The following MYO1D variants were observed in gnomAD, a reference collection of about 807,000 sequenced individuals.
The protein encoded by MYO1D is unconventional myosin-Id.
In MYO1D, 83 loss-of-function variants were observed where a neutral mutation model predicts 122.0. The observed-to-expected ratio is 0.68, with a 90% CI of 0.57 to 0.82. The LOEUF (loss-of-function observed/expected upper bound fraction) is 0.82. Among genes scored for constraint, MYO1D ranks in the 40% least tolerant of loss-of-function variants. The pLI is 0.00. For synonymous variants in MYO1D, 464 were observed against 446.9 expected (o/e 1.04, Z -0.48); for missense variants, 1,157 against 1,269.5 (o/e 0.91, Z 1.35).
At chr17:32,711,117 TG>T (rs1255132884) in intron 16 of MYO1D, among the ~76,000 whole-genome samples, 1 of 152,186 alleles carries the variant, frequency 6.6e-6, no homozygotes, top group Non-Finnish European at 1.5e-5. Flanking sequence ...TACAATTTTT[TG>T]CATTATTTTA....
chr17:32,602,005 G>A (rs971807070), intron 21 of MYO1D, among the ~76,000 whole-genome samples: 1 of 152,190 alleles, frequency 6.6e-6, no homozygotes, highest in African/African-American at 2.4e-5. Context: ...GGAAATGCCA[G>A]GAAAGTTCTG....
chr17:32,537,400 T>C (rs1188133198), intron 21 of MYO1D, among the ~76,000 whole-genome samples: 3 of 152,184 alleles, frequency 2.0e-5, no homozygotes, highest in Non-Finnish European at 4.4e-5. Flanking sequence ...AGCCGAGTAC[T>C]TGTTACAGGG....
intron 1 of MYO1D, among the ~76,000 whole-genome samples, chr17:32,871,004 G>A (rs994681765): frequency 6.6e-6 from 1 of 152,180 alleles, no homozygotes; most frequent in African/African-American, 2.4e-5. Flanking sequence ...GAGAGCACAT[G>A]AGAATGTGAC....
chr17:32,729,780 T>C (rs1357356775), intron 14 of MYO1D, among the ~76,000 whole-genome samples: 1 of 152,110 alleles, frequency 6.6e-6, no homozygotes, highest in Non-Finnish European at 1.5e-5. Flanking sequence ...GGACTGTAGT[T>C]TGGTCTGGAA....
rs556606290 is a variant in MYO1D at position 32,843,133 on chromosome 17, G to A, written c.95+33645C>T. Among the ~76,000 whole-genome samples the A allele has an allele frequency of 7.9e-5, 12 of 151,982 alleles. No homozygotes were observed. In the East Asian group the frequency reaches 9.7e-4, roughly 12 times the overall value. ...TCGAACTCCTGACCTCAAGTGATCC[G>A]CCCGCCTCGGCCTCCCAAAGTGCTG... On this transcript the variant is annotated intron_variant, in intron 1 of 21. Coordinates refer to ENST00000318217, the MANE Select transcript of MYO1D (RefSeq NM_015194.3).
intron 20 of MYO1D, among the ~76,000 whole-genome samples, chr17:32,609,316 G>A (rs1213289661): frequency 1.3e-5 from 2 of 152,180 alleles, no homozygotes; most frequent in Non-Finnish European, 2.9e-5. Context: ...TCAGCCAGGC[G>A]GGCAGGCAGC....
intron 20 of MYO1D, among the ~76,000 whole-genome samples, chr17:32,634,424 T>A (rs911448554): frequency 1.3e-5 from 2 of 152,220 alleles, no homozygotes; most frequent in African/African-American, 4.8e-5. Context: ...TTACTTAACC[T>A]ATCACTGGTG....
chr17:32,615,340 A>G (rs891108236), intron 20 of MYO1D, among the ~76,000 whole-genome samples: 1 of 152,236 alleles, frequency 6.6e-6, no homozygotes, highest in Non-Finnish European at 1.5e-5. Context: ...TTTGTTAAGG[A>G]GAAAATTTGA....
chr17:32,780,460 G>T, intron 2 of MYO1D, 116 bp downstream of exon 2: 1 of 987,188 alleles, frequency 1.0e-6, no homozygotes, highest in Non-Finnish European at 1.5e-6. Context: ...CTCTCCTATA[G>T]AATTGCTCAG....
intron 21 of MYO1D, among the ~76,000 whole-genome samples, chr17:32,556,817 G>A (rs1319512046): frequency 6.6e-6 from 1 of 152,130 alleles, no homozygotes. Context: ...GACAAAATAG[G>A]AATATTATAG....
chr17:32,703,382 C>A (rs1231836326), intron 16 of MYO1D, among the ~76,000 whole-genome samples: 7 of 151,726 alleles, frequency 4.6e-5, no homozygotes. Flanking sequence ...TTTCTCAATT[C>A]TTTTCTATCT....
intron 14 of MYO1D, among the ~76,000 whole-genome samples, chr17:32,735,697 G>GT (rs917942234): frequency 2.5e-4 from 37 of 149,008 alleles, no homozygotes; most frequent in Admixed American, 9.3e-4. Flanking sequence ...AATTTTTCAG[G>GT]TTTTTTTTTT....
intron 21 of MYO1D, among the ~76,000 whole-genome samples, chr17:32,500,805 G>C (rs1401996921): frequency 6.6e-6 from 1 of 152,126 alleles, no homozygotes; most frequent in Non-Finnish European, 1.5e-5. Context: ...AGGAGATCGA[G>C]ACCATCCTGG....
At chr17:32,786,081 G>C (rs1043247132) in intron 1 of MYO1D, among the ~76,000 whole-genome samples, 1 of 152,092 alleles carries the variant, frequency 6.6e-6, no homozygotes, top group African/African-American at 2.4e-5. Flanking sequence ...CCAAATCTCC[G>C]GCACTGGAGT....
intron 20 of MYO1D, among the ~76,000 whole-genome samples, chr17:32,631,424 T>C (rs1165286911): frequency 3.3e-5 from 5 of 152,200 alleles, no homozygotes; most frequent in Non-Finnish European, 7.3e-5. Flanking sequence ...GGCAGGAGGA[T>C]TGGCTGAGGC....
intron 21 of MYO1D, among the ~76,000 whole-genome samples, chr17:32,556,416 G>T (rs188417790): frequency 2.0e-5 from 3 of 152,290 alleles, no homozygotes; most frequent in Non-Finnish European, 2.9e-5. Context: ...CTGAGGGCTC[G>T]AAGTGGGTGG....
intron 16 of MYO1D, among the ~76,000 whole-genome samples, chr17:32,659,684 A>G (rs2088532610): frequency 1.3e-5 from 2 of 152,260 alleles, no homozygotes; most frequent in Non-Finnish European, 2.9e-5. Context: ...GGGAAGCGAG[A>G]TGAGTCAGAA....
rs531593438 is a variant in MYO1D at position 32,807,662 on chromosome 17, C to G, written c.96-26878G>C. On this transcript the variant is annotated intron_variant, in intron 1 of 21. Coordinates refer to ENST00000318217, the MANE Select transcript of MYO1D (RefSeq NM_015194.3). ...ACTTCTGGGCCAAAGCACAGAAAAG[C>G]TGGTGTGCACATGCTTTGGTGACTG... Among the ~76,000 whole-genome samples the G allele has an allele frequency of 2.0e-5, 3 of 152,332 alleles. No homozygotes were observed. In the East Asian group the frequency reaches 5.8e-4, roughly 29 times the overall value.
chr17:32,855,124 C>A (rs1311098364), intron 1 of MYO1D, among the ~76,000 whole-genome samples: 1 of 152,306 alleles, frequency 6.6e-6, no homozygotes, highest in Middle Eastern at 3.4e-3. Flanking sequence ...TTGCTACAAA[C>A]CTTTAATTGC....
Sources: gnomAD v4.1 joint callset for allele counts (sites outside exome capture counted in the v4.1 genomes callset) on GRCh38, gnomAD v4.1.1 for gene constraint, MANE v1.5 for transcripts, NCBI Gene and HGNC (gene_info 2026-07-23, HGNC 2026-07-21) for gene names.